The following CNTN5 variants were observed in gnomAD, a reference collection of about 807,000 sequenced individuals.
CNTN5 encodes the protein contactin-5.
Under a neutral mutation model 129.1 loss-of-function variants are expected in CNTN5, and 77 were observed. The ratio of observed to expected loss-of-function variants is 0.60; its 90% CI spans 0.50 to 0.72. The LOEUF (loss-of-function observed/expected upper bound fraction) is 0.72. CNTN5 is among the 30% of genes least tolerant of loss of function. The pLI is 0.00. For missense variants in CNTN5, 1,478 were observed against 1,328.8 expected, an observed-to-expected ratio of 1.11 and a Z score of -1.75; for synonymous variants, 509 against 465.6, an observed-to-expected ratio of 1.09 and a Z score of -1.20.
intron 9 of CNTN5, among the ~76,000 whole-genome samples, chr11:100,051,200 C>T (rs550184426): frequency 6.6e-6 from 1 of 152,144 alleles, no homozygotes; most frequent in South Asian, 2.1e-4. Flanking sequence ...CAGCAGAATA[C>T]ACTTATCTGC....
At chr11:100,012,119 G>T (rs1050188847) in intron 9 of CNTN5, among the ~76,000 whole-genome samples, 1 of 152,164 alleles carries the variant, frequency 6.6e-6, no homozygotes, top group African/African-American at 2.4e-5. Flanking sequence ...GTCTCTGGGT[G>T]TTGGAATCAA....
chr11:99,222,241 TACAA>T (rs1565414691), intron 1 of CNTN5, among the ~76,000 whole-genome samples: 3 of 151,514 alleles, frequency 2.0e-5, no homozygotes, highest in African/African-American at 7.3e-5. Flanking sequence ...TATCCATCGA[TACAA>T]ACATGAAAAT....
At chr11:99,740,267 G>A (rs894421143) in intron 3 of CNTN5, among the ~76,000 whole-genome samples, 7 of 152,154 alleles carry the variant, frequency 4.6e-5, no homozygotes, top group African/African-American at 1.7e-4. Flanking sequence ...AATGAGTACT[G>A]AAAAGGTAAG....
At chr11:99,253,935 A>G (rs1049662172) in intron 1 of CNTN5, among the ~76,000 whole-genome samples, 1 of 100,378 alleles carries the variant, frequency 1.0e-5, no homozygotes, top group East Asian at 2.1e-4. Flanking sequence ...TTGGTAGAAC[A>G]TATGCATAGG....
chr11:99,643,544 A>G (rs1951845045), intron 3 of CNTN5, among the ~76,000 whole-genome samples: 1 of 152,196 alleles, frequency 6.6e-6, no homozygotes, highest in Admixed American at 6.5e-5. Flanking sequence ...GAGTGAATGT[A>G]CATATATTAT....
chr11:99,311,351 G>A (rs1865107818), intron 1 of CNTN5, among the ~76,000 whole-genome samples: 1 of 152,082 alleles, frequency 6.6e-6, no homozygotes, highest in East Asian at 1.9e-4. Context: ...CCATATATAA[G>A]GGGTTATTGT....
chr11:99,163,439 A>C (rs987582043), intron 1 of CNTN5, among the ~76,000 whole-genome samples: 1 of 152,010 alleles, frequency 6.6e-6, no homozygotes, highest in East Asian at 1.9e-4. Flanking sequence ...AATTATTTTA[A>C]TAAGAAATAT....
chr11:99,768,559 C>T (rs1428363181), intron 3 of CNTN5, among the ~76,000 whole-genome samples: 2 of 152,118 alleles, frequency 1.3e-5, no homozygotes, highest in Non-Finnish European at 2.9e-5. Context: ...ATTTAACTTT[C>T]ATGACATTTC....
chr11:99,825,736 G>A (rs1199165768), intron 4 of CNTN5, among the ~76,000 whole-genome samples: 1 of 152,016 alleles, frequency 6.6e-6, no homozygotes, highest in Admixed American at 6.6e-5. Flanking sequence ...TTTGTAGCGG[G>A]CAAGTTTATC....
chr11:99,364,650 T>C (rs1447060353), intron 2 of CNTN5, among the ~76,000 whole-genome samples: 1 of 152,062 alleles, frequency 6.6e-6, no homozygotes, highest in East Asian at 1.9e-4. Flanking sequence ...GTGAAAAAAT[T>C]GATTGAAAAT....
At chr11:99,035,937 C>T (rs1193410454) in intron 1 of CNTN5, among the ~76,000 whole-genome samples, 2 of 151,906 alleles carry the variant, frequency 1.3e-5, no homozygotes, top group Non-Finnish European at 2.9e-5. Flanking sequence ...TTTAGCACTT[C>T]CTTCTGGAGC....
chr11:99,857,326 C>A (rs753841673), intron 6 of CNTN5, among the ~76,000 whole-genome samples: 10 of 152,030 alleles, frequency 6.6e-5, no homozygotes, highest in Non-Finnish European at 7.4e-5. Context: ...TGAATGCTGG[C>A]GTGATAAGTG....
intron 15 of CNTN5, among the ~76,000 whole-genome samples, chr11:100,198,474 G>A (rs1948701419): frequency 6.6e-6 from 1 of 151,836 alleles, no homozygotes; most frequent in Admixed American, 6.6e-5. Flanking sequence ...ATGAAGTAAT[G>A]TTATTTGGGG....
intron 8 of CNTN5, among the ~76,000 whole-genome samples, chr11:99,980,261 A>G (rs138599184): frequency 1.3e-3 from 205 of 152,338 alleles, no homozygotes; most frequent in African/African-American, 4.5e-3. Context: ...TAATACAACT[A>G]GAAGCAACAA....
rs200831426 is a variant in CNTN5 at position 99,084,922 on chromosome 11, GATTA to G, written c.-210+63655_-210+63658del. On this transcript the variant is annotated intron_variant, in intron 1 of 24. Transcript: ENST00000524871. ...ATGTTTTCTAAGATATGGTTTATCT[GATTA>G]ATATATTTTTCAGTAATTAATCAAA... 2.0e-4 allele frequency among the ~76,000 whole-genome samples: 31 copies of G among 152,212 alleles called. No individual in the cohort carries two copies. In the East Asian group the frequency reaches 5.8e-3, roughly 28 times the overall value.
At chr11:99,843,374 ATATATT>A (rs1947578558) in intron 4 of CNTN5, among the ~76,000 whole-genome samples, 1 of 152,240 alleles carries the variant, frequency 6.6e-6, no homozygotes, top group African/African-American at 2.4e-5. Flanking sequence ...ATTTAAAGAA[ATATATT>A]TAAAGAAAGC....
intron 2 of CNTN5, among the ~76,000 whole-genome samples, chr11:99,414,701 G>T (rs1942566498): frequency 6.6e-6 from 1 of 152,080 alleles, no homozygotes; most frequent in South Asian, 2.1e-4. Flanking sequence ...ACTAAGATGT[G>T]TGGATATCTG....
chr11:99,061,463 G>C (rs763838101), intron 1 of CNTN5, among the ~76,000 whole-genome samples: 66 of 152,106 alleles, frequency 4.3e-4, no homozygotes, highest in Non-Finnish European at 8.1e-4. Flanking sequence ...CAACCACCAG[G>C]AAGGCCAGAG....
rs1227957864 is a variant in CNTN5, at chr11:99,638,234, G to A, written c.55+81965G>A. Among the ~76,000 whole-genome samples, 4 of 152,068 alleles carry A rather than the reference G, an allele frequency of 2.6e-5. No homozygotes were observed. In the East Asian group the frequency reaches 5.8e-4, roughly 22 times the overall value. On this transcript the variant is annotated intron_variant, in intron 3 of 24. Transcript: ENST00000524871. The stretch of plus-strand genomic sequence containing the variant: ...CTAATAAACCCACTGAATCTCATGA[G>A]ACTTACTATCATGAGACTAGCACGG...
Sources: allele counts gnomAD v4.1 joint callset (sites outside exome capture counted in the v4.1 genomes callset), GRCh38; gene constraint gnomAD v4.1.1; transcripts MANE v1.5; gene names NCBI Gene and HGNC (gene_info 2026-07-23, HGNC 2026-07-21).